TSHZ2: variants seen among roughly 807,000 people sequenced by gnomAD.
TSHZ2 encodes the protein teashirt homolog 2.
A neutral mutation model predicts 74.4 loss-of-function variants in TSHZ2; 21 were observed. That is an observed-to-expected ratio of 0.28 (90% CI 0.20 to 0.41). TSHZ2 has a LOEUF of 0.41. Among genes scored for constraint, TSHZ2 ranks in the 10% least tolerant of loss-of-function variants. The probability of loss-of-function intolerance (pLI) is 1.00; values close to 1 mark genes in which losing one functional copy is unlikely to be tolerated. For synonymous variants in TSHZ2, 540 were observed against 515.3 expected, an observed-to-expected ratio of 1.05 and a Z score of -0.65; for missense variants, 1,244 against 1,293.5, an observed-to-expected ratio of 0.96 and a Z score of 0.59.
At chr20:53,380,169 C>T (rs922631370) in intron 2 of TSHZ2, among the ~76,000 whole-genome samples, 18 of 151,222 alleles carry the variant, frequency 1.2e-4, no homozygotes, top group African/African-American at 2.0e-4. Context: ...TGTGTGCACA[C>T]GCATGTGTGT....
chr20:53,199,002 T>C (rs1029035665), intron 1 of TSHZ2, among the ~76,000 whole-genome samples: 1 of 152,152 alleles, frequency 6.6e-6, no homozygotes, highest in Non-Finnish European at 1.5e-5. Flanking sequence ...CTCAGATCAC[T>C]ATTGGAATCC....
At chr20:53,136,185 A>AG (rs1275595591) in intron 1 of TSHZ2, among the ~76,000 whole-genome samples, 1 of 152,130 alleles carries the variant, frequency 6.6e-6, no homozygotes, top group Non-Finnish European at 1.5e-5. Flanking sequence ...CCTCTTATAA[A>AG]GCCACTAGTT....
chr20:53,347,991 C>T (rs548763027), intron 2 of TSHZ2, among the ~76,000 whole-genome samples: 1 of 152,224 alleles, frequency 6.6e-6, no homozygotes, highest in East Asian at 1.9e-4. Flanking sequence ...TTCCCTCCTC[C>T]CAGCCCCTGA....
chr20:53,029,769 A>G (rs991005896), intron 1 of TSHZ2, among the ~76,000 whole-genome samples: 1 of 152,344 alleles, frequency 6.6e-6, no homozygotes, highest in South Asian at 2.1e-4. Context: ...CAAGTTGCAA[A>G]CGTACAGTAT....
chr20:53,046,714 A>G (rs957882462), intron 1 of TSHZ2, among the ~76,000 whole-genome samples: 1 of 152,136 alleles, frequency 6.6e-6, no homozygotes, highest in Non-Finnish European at 1.5e-5. Context: ...CAAGTTCAGG[A>G]ATCAGACAGC....
chr20:53,163,386 T>TTTTTTTTG (rs57531331), intron 1 of TSHZ2, among the ~76,000 whole-genome samples: 9 of 117,940 alleles, frequency 7.6e-5, no homozygotes, highest in South Asian at 2.7e-4. Flanking sequence ...TTTTTTTTTT[T>TTTTTTTTG]GAGGTTTCAG....
At chr20:53,200,468 T>C (rs1400088478) in intron 1 of TSHZ2, among the ~76,000 whole-genome samples, 1 of 152,234 alleles carries the variant, frequency 6.6e-6, no homozygotes, top group Non-Finnish European at 1.5e-5. Context: ...TTTATGACGT[T>C]ACGGATAACT....
chr20:53,411,213 C>T (rs1458666508), intron 2 of TSHZ2, among the ~76,000 whole-genome samples: 1 of 152,128 alleles, frequency 6.6e-6, no homozygotes, highest in Non-Finnish European at 1.5e-5. Flanking sequence ...ACAGCTAGGA[C>T]CATGGCCTTG....
chr20:53,113,192 A>G (rs1986580442), intron 1 of TSHZ2, among the ~76,000 whole-genome samples: 1 of 152,248 alleles, frequency 6.6e-6, no homozygotes, highest in Admixed American at 6.5e-5. Context: ...CTGTCTGTAG[A>G]GAATATAGCT....
At chr20:53,087,976 G>C (rs780634376) in intron 1 of TSHZ2, among the ~76,000 whole-genome samples, 3 of 152,114 alleles carry the variant, frequency 2.0e-5, no homozygotes, top group Non-Finnish European at 4.4e-5. Context: ...TCTCTACCTG[G>C]CATTATTTTT....
chr20:53,272,271 A>G (rs1303193709), intron 2 of TSHZ2, among the ~76,000 whole-genome samples: 1 of 152,002 alleles, frequency 6.6e-6, no homozygotes, highest in Non-Finnish European at 1.5e-5. Context: ...CGGCCTCCCA[A>G]AGTGCTAGGA....
rs796097312 is a variant in TSHZ2, at chr20:53,405,248, C to CAA, written c.*9-81886_*9-81885dup. ...TGGGCAGCAGAGCAAGACTCTGTCT[C>CAA]AAAAAAAAAAACAAAGTTGCATCAT... On this transcript the variant is annotated intron_variant, in intron 2 of 2. Transcript: ENST00000371497. Among the ~76,000 whole-genome samples, 850 of 142,984 alleles carry CAA rather than the reference C, an allele frequency of 5.9e-3. 15 individuals carry two copies. Among genetic ancestry groups the CAA allele is most frequent in the South Asian group, 0.014 (65 of 4,674 alleles). 93.8% of individuals were successfully genotyped at this position (142,984 alleles called of 152,430 possible). A position where few individuals can be genotyped will look rare whatever the true frequency, so the allele number is the denominator to read the frequency against.
intron 2 of TSHZ2, among the ~76,000 whole-genome samples, chr20:53,449,865 T>C (rs958668625): frequency 4.6e-5 from 7 of 152,216 alleles, no homozygotes; most frequent in African/African-American, 1.4e-4. Context: ...CAGAGCACCA[T>C]TTACTTCCCT....
rs543525385 is a variant in TSHZ2 at position 53,147,675 on chromosome 20, A to G, written c.41-105824A>G. ...ACCAATATTCAGTTCCATCATATCT[A>G]TGCATAAGACATGCATAAAATAAGT... is the stretch of plus-strand genomic sequence containing the variant. On this transcript the variant is annotated intron_variant, in intron 1 of 2. Coordinates refer to ENST00000371497, the MANE Select transcript of TSHZ2 (RefSeq NM_173485.6). Among the ~76,000 whole-genome samples, 5 of 152,310 alleles carry G rather than the reference A, an allele frequency of 3.3e-5. No individual in the cohort carries two copies. The South Asian group carries it at 1.0e-3, about 32-fold the overall frequency.
At chr20:53,410,934 CA>C (rs1370025489) in intron 2 of TSHZ2, among the ~76,000 whole-genome samples, 1 of 152,126 alleles carries the variant, frequency 6.6e-6, no homozygotes, top group Non-Finnish European at 1.5e-5. Flanking sequence ...CTTGGCCTCC[CA>C]AAATGCTGGG....
chr20:53,194,846 T>C (rs116909412), intron 1 of TSHZ2, among the ~76,000 whole-genome samples: 2,639 of 152,342 alleles, frequency 0.017, 42 homozygotes, highest in Non-Finnish European at 0.027. Flanking sequence ...GGATGTGAAG[T>C]GCTGAGTTTC....
At chr20:52,989,493 A>AG (rs1981895212) in intron 1 of TSHZ2, among the ~76,000 whole-genome samples, 1 of 152,252 alleles carries the variant, frequency 6.6e-6, no homozygotes, top group African/African-American at 2.4e-5. Flanking sequence ...GATATAAAAT[A>AG]ATTAAGCTTT....
chr20:53,044,399 G>C (rs1021251658), intron 1 of TSHZ2, among the ~76,000 whole-genome samples: 1 of 152,218 alleles, frequency 6.6e-6, no homozygotes, highest in Non-Finnish European at 1.5e-5. Context: ...ATGATACTGA[G>C]TGTGACTGGT....
intron 2 of TSHZ2, among the ~76,000 whole-genome samples, chr20:53,348,008 C>T (rs1980506295): frequency 6.6e-6 from 1 of 152,196 alleles, no homozygotes; most frequent in African/African-American, 2.4e-5. Context: ...CTGATAACCG[C>T]TAATCTGTGT....
Sources: allele counts gnomAD v4.1 joint callset (sites outside exome capture counted in the v4.1 genomes callset), GRCh38; gene constraint gnomAD v4.1.1; transcripts MANE v1.5; gene names NCBI Gene and HGNC (gene_info 2026-07-23, HGNC 2026-07-21).